Variants in SRPK2 observed in about 807,000 individuals in gnomAD.
The protein encoded by SRPK2 is SFRS protein kinase 2.
SRPK2 carries 21 observed loss-of-function variants against 90.8 expected under a neutral mutation model. That is an observed-to-expected ratio of 0.23 (90% CI 0.16 to 0.33). The LOEUF (loss-of-function observed/expected upper bound fraction) is 0.33, where lower values mean the gene tolerates loss of function less well. Ranked by LOEUF, SRPK2 falls within the 10% of genes least tolerant of loss-of-function variation. The pLI, the probability that SRPK2 is intolerant of heterozygous loss-of-function variation, is 1.00. For missense variants in SRPK2, 620 were observed against 869.0 expected (o/e 0.71, Z 3.60); for synonymous variants, 288 against 311.1 (o/e 0.93, Z 0.78).
chr7:105,277,221 C>T lies in SRPK2; in HGVS notation c.72-73436G>A, dbSNP rs1243765840. On this transcript the variant is annotated intron_variant, in intron 2 of 15. Coordinates refer to ENST00000393651, the MANE Select transcript of SRPK2 (RefSeq NM_182692.3). ...CCTCCCGAGTAGCTGGGACTACAGG[C>T]GCCCACTACCACGTCCGGCTAATTT... is the stretch of plus-strand genomic sequence containing the variant. 3.3e-5 allele frequency among the ~76,000 whole-genome samples: 5 copies of T among 152,048 alleles called. No individual in the cohort carries two copies. In the East Asian group the frequency reaches 5.8e-4, roughly 18 times the overall value.
intron 7 of SRPK2, among the ~76,000 whole-genome samples, chr7:105,159,390 A>G (rs913569126): frequency 7.2e-6 from 1 of 139,842 alleles, no homozygotes; most frequent in African/African-American, 2.6e-5. Context: ...GGAGGCTGCA[A>G]TGAGCTGAGA....
chr7:105,212,803 T>C (rs941915126), intron 2 of SRPK2, among the ~76,000 whole-genome samples: 1 of 152,234 alleles, frequency 6.6e-6, no homozygotes, highest in African/African-American at 2.4e-5. Context: ...AGTACAGTTG[T>C]TGCTCTGTAT....
In SRPK2 at chr7:105,287,210, G is replaced by A. The variant is rs1326979554; in HGVS notation, c.72-83425C>T. On this transcript the variant is annotated intron_variant, in intron 2 of 15. Coordinates refer to ENST00000393651, the MANE Select transcript of SRPK2 (RefSeq NM_182692.3). ...CGGGAGGCGGAGCTTGCAGTGAGCC[G>A]AGATCCCACCACTGCACTCCAGCCT... 3.0e-5 allele frequency among the ~76,000 whole-genome samples: 4 copies of A among 134,978 alleles called. No individual in the cohort carries two copies. The South Asian group carries it at 7.1e-4, about 24-fold the overall frequency. 88.6% of individuals were successfully genotyped at this position (134,978 alleles called of 152,430 possible).
chr7:105,202,792 A>C (rs556292459), intron 3 of SRPK2, among the ~76,000 whole-genome samples: 1 of 152,362 alleles, frequency 6.6e-6, no homozygotes, highest in East Asian at 1.9e-4. Flanking sequence ...CTCTGTAAAC[A>C]AATGTGCATG....
At chr7:105,341,129 G>C (rs542621070) in intron 2 of SRPK2, among the ~76,000 whole-genome samples, 1 of 152,222 alleles carries the variant, frequency 6.6e-6, no homozygotes, top group South Asian at 2.1e-4. Flanking sequence ...ACTTTGGGAG[G>C]CCAAGGCAGG....
intron 2 of SRPK2, among the ~76,000 whole-genome samples, chr7:105,343,771 A>AT (rs1236386335): frequency 6.6e-6 from 1 of 151,234 alleles, no homozygotes. Context: ...TTTATTTTTT[A>AT]TTTTTTTGGA....
chr7:105,365,435 G>A (rs899385880), intron 2 of SRPK2, among the ~76,000 whole-genome samples: 2 of 143,940 alleles, frequency 1.4e-5, no homozygotes, highest in African/African-American at 2.6e-5. Flanking sequence ...GCAGTGAGCC[G>A]AGATTGCACC....
At position 105,211,723 on chromosome 7, in the gene SRPK2, T is replaced by G. The variant is rs184506597; in HGVS notation, c.72-7938A>C. Among the ~76,000 whole-genome samples, 19 of 152,272 alleles carry G rather than the reference T, an allele frequency of 1.2e-4. No homozygotes were observed. In the East Asian group the frequency reaches 3.7e-3, roughly 29 times the overall value. ...TCGGGATTACAATTCAACATTAGAT[T>G]TGGGCAGGGACATAGATCCAAACTA... is the stretch of plus-strand genomic sequence containing the variant. On this transcript the variant is annotated intron_variant, in intron 2 of 15. Coordinates refer to ENST00000393651, the MANE Select transcript of SRPK2 (RefSeq NM_182692.3).
intron 2 of SRPK2, among the ~76,000 whole-genome samples, chr7:105,338,659 C>T (rs1250180968): frequency 6.6e-6 from 1 of 152,130 alleles, no homozygotes; most frequent in African/African-American, 2.4e-5. Context: ...GTTCAAATCA[C>T]TTTTATCAGG....
chr7:105,365,201 A>G (rs1402761886), intron 2 of SRPK2, among the ~76,000 whole-genome samples: 1 of 151,960 alleles, frequency 6.6e-6, no homozygotes, highest in East Asian at 1.9e-4. Context: ...TCTGGCATTT[A>G]GGGCCAGGCA....
chr7:105,153,402 T>C (rs1056767966), intron 7 of SRPK2, among the ~76,000 whole-genome samples: 1 of 152,202 alleles, frequency 6.6e-6, no homozygotes, highest in Non-Finnish European at 1.5e-5. Flanking sequence ...TTGCTTTCTG[T>C]ACATCAACAT....
intron 2 of SRPK2, among the ~76,000 whole-genome samples, chr7:105,346,430 G>T (rs1427101158): frequency 6.6e-6 from 1 of 152,030 alleles, no homozygotes; most frequent in Admixed American, 6.6e-5. Flanking sequence ...GTTATATGAA[G>T]GTCAATAAAC....
intron 2 of SRPK2, among the ~76,000 whole-genome samples, chr7:105,232,828 C>T (rs1799618350): frequency 6.6e-6 from 1 of 152,030 alleles, no homozygotes; most frequent in South Asian, 2.1e-4. Context: ...TCCTGGCCAA[C>T]ATGGTGAAAC....
chr7:105,270,457 G>C (rs1027302216), intron 2 of SRPK2, among the ~76,000 whole-genome samples: 11 of 146,176 alleles, frequency 7.5e-5, no homozygotes, highest in African/African-American at 2.8e-4. Context: ...GCCCAGGCTA[G>C]AGTGCAATGG....
chr7:105,367,186 A>G (rs796554703), intron 2 of SRPK2, among the ~76,000 whole-genome samples: 21 of 151,574 alleles, frequency 1.4e-4, no homozygotes, highest in African/African-American at 5.1e-4. Flanking sequence ...CACACCTGGC[A>G]GAGATCACTT....
In SRPK2 at chr7:105,233,142, A is replaced by G. The variant is rs1467492030; in HGVS notation, c.72-29357T>C. On this transcript the variant is annotated intron_variant, in intron 2 of 15. Coordinates refer to ENST00000393651, the MANE Select transcript of SRPK2 (RefSeq NM_182692.3). ...AAGGAAGGAAGGAAGGAAGGAAGGA[A>G]GGAAGGAAGGGGAAAGGGAAGGAAG... 1.4e-3 allele frequency among the ~76,000 whole-genome samples: 204 copies of G among 142,348 alleles called. 3 individuals are homozygous for G. Among genetic ancestry groups the G allele is most frequent in the African/African-American group, 5.0e-3 (192 of 38,776 alleles). 93.4% of individuals were successfully genotyped at this position (142,348 alleles called of 152,430 possible).
chr7:105,124,800 A>G (rs1192547908), intron 15 of SRPK2, among the ~76,000 whole-genome samples: 1 of 151,924 alleles, frequency 6.6e-6, no homozygotes, highest in Non-Finnish European at 1.5e-5. Flanking sequence ...AAAAAATCTA[A>G]CCTGAAAAAT....
intron 2 of SRPK2, among the ~76,000 whole-genome samples, chr7:105,326,284 A>G (rs1271892176): frequency 6.6e-6 from 1 of 151,806 alleles, no homozygotes; most frequent in Non-Finnish European, 1.5e-5. Context: ...CACTTTTACC[A>G]CTCTATAATC....
At chr7:105,170,945 A>AAGAAAGAAAGAAAG (rs1790957997) in intron 3 of SRPK2, among the ~76,000 whole-genome samples, 1 of 40,154 alleles carries the variant, frequency 2.5e-5, no homozygotes, top group Non-Finnish European at 7.3e-5. Flanking sequence ...GAAAGAAAGA[A>AAGAAAGAAAGAAAG]AGAAAGAAAG....
Sources: allele counts gnomAD v4.1 joint callset (sites outside exome capture counted in the v4.1 genomes callset), GRCh38; gene constraint gnomAD v4.1.1; transcripts MANE v1.5; gene names NCBI Gene and HGNC (gene_info 2026-07-23, HGNC 2026-07-21).